The following PSD variants were observed in gnomAD, a reference collection of about 807,000 sequenced individuals.
The protein encoded by PSD is PH and SEC7 domain-containing protein 1.
PSD carries 32 observed loss-of-function variants against 91.6 expected under a neutral mutation model. The observed-to-expected ratio is 0.35, with a 90% CI of 0.26 to 0.47. The LOEUF is 0.47. Among genes scored for constraint, PSD ranks in the 20% least tolerant of loss-of-function variants. PSD has a pLI of 1.00. For synonymous variants in PSD, 532 were observed against 569.3 expected (o/e 0.93, Z 0.93); for missense variants, 1,099 against 1,373.9 (o/e 0.80, Z 3.16).
chr10:102,408,005 C>T (rs1395598746), intron 10 of PSD, among the ~76,000 whole-genome samples: 1 of 152,160 alleles, frequency 6.6e-6, no homozygotes, highest in African/African-American at 2.4e-5. Flanking sequence ...TGCAGTTGGC[C>T]TGGGGACATT....
upstream of PSD, chr10:102,419,002 A>C: frequency 9.4e-6 from 3 of 318,832 alleles, no homozygotes; most frequent in Non-Finnish European, 1.9e-5. The surrounding 1 kb of genome is among the most constrained non-coding windows in gnomAD (Gnocchi z 4.8). Flanking sequence ...TATTCCCCAG[A>C]CCCTCACGTG....
rs372562703 is a variant in PSD, at chr10:102,414,768, A to G, written c.1124+95T>C. 7.0e-5 allele frequency: 101 copies of G among 1,442,800 alleles called. 1 individual carries two copies. In the South Asian group the frequency reaches 1.4e-3, roughly 20 times the overall value. The allele number at this position is 1,442,800 out of a possible 1,614,324, so 89.4% of individuals were successfully genotyped here. ...CCCCGCCAGCCCCACACCCATCTCT[A>G]TCCCAGGCCCTTTGAGCCCGGCTCT... On this transcript the variant is annotated intron_variant, in intron 4 of 16. Coordinates refer to ENST00000020673, the MANE Select transcript of PSD (RefSeq NM_002779.5). The surrounding 1 kb of genome is among the most constrained non-coding windows in gnomAD (Gnocchi z 5.6).
chr10:102,403,239 C>A lies in PSD; in HGVS notation c.3036G>T (p.Glu1012Asp). 1 of 1,600,840 alleles carries A rather than the reference C, an allele frequency of 6.2e-7. No individual in the cohort carries two copies. Among genetic ancestry groups the A allele is most frequent in the East Asian group, 2.2e-5 (1 of 44,544 alleles). ...SQPRAQRHSSEPRPGAGSGRR... is the reference protein window; with the variant it reads ...SQPRAQRHSSDPRPGAGSGRR... ...GCCCACTGCCTGCCCCTGGCCGAGGCTCTGAGCTGTGACGCTGAGCCCGGG... is the reference window on the plus strand; with the variant it reads ...GCCCACTGCCTGCCCCTGGCCGAGGATCTGAGCTGTGACGCTGAGCCCGGG... The change falls in exon 17 of 17, where the codon GAG becomes GAT. Residue 1012 changes from glutamate (E) to aspartate (D), a missense_variant. Physicochemically the swap from Glu to Asp is conservative, Grantham distance 45. Around this residue, in one of 3 missense-constraint regions of PSD, gnomAD observed 358 missense variants for 426.5 expected, o/e 0.84. Transcript: ENST00000020673. The surrounding 1 kb of genome is among the most constrained non-coding windows in gnomAD (Gnocchi z 6.7).
rs746395868 is a variant in PSD, at chr10:102,416,652, C to G, written c.387G>C (p.Leu129=). ...TGGGCCTGGGAGGAGAAACCCCACC[C>G]AGATCCCAGCTCCGACTCAAGCCCC... ...APGGLSRSWD[L]GGVSPPRPTP... Residue 129 remains leucine (L), a synonymous_variant, in exon 2 of 17, where the codon CTG becomes CTC. Transcript: ENST00000020673. This position sits in a 1 kb window ranked among gnomAD's most constrained non-coding sequence, Gnocchi z 6.0. 13 of 1,609,294 alleles carry G rather than the reference C, an allele frequency of 8.1e-6. 1 individual carries two copies. The Admixed American group carries it at 2.2e-4, about 27-fold the overall frequency.
At position 102,404,068 on chromosome 10, in the gene PSD, G is replaced by GT; in HGVS notation, c.2701-84_2701-83insA. The GT allele has an allele frequency of 7.0e-7, 1 of 1,436,496 alleles. No individual in the cohort carries two copies. The highest frequency in any genetic ancestry group is 2.5e-5 in the Admixed American group (1 of 40,740). The allele number at this position is 1,436,496 out of a possible 1,614,324, so 89.0% of individuals were successfully genotyped here. ...GATTTTTAAAAAGATACCCCTTCCA[G>GT]CCGGGCGCGGTGGCTCACGCCTGTA... is the stretch of plus-strand genomic sequence containing the variant. On this transcript the variant is annotated intron_variant, in intron 15 of 16. Coordinates refer to ENST00000020673, the MANE Select transcript of PSD (RefSeq NM_002779.5). The surrounding 1 kb of genome is among the most constrained non-coding windows in gnomAD (Gnocchi z 5.7).
Position 102,414,839 on chromosome 10 carries a change from T to G in PSD, c.1124+24A>C. ...GAGCAAGCCGCTTCCCTCTCCCACT[T>G]CCCCCTCCCACTTCCCCACTCACCG... On this transcript the variant is annotated intron_variant, in intron 4 of 16. Coordinates refer to ENST00000020673, the MANE Select transcript of PSD (RefSeq NM_002779.5). The surrounding 1 kb of genome is among the most constrained non-coding windows in gnomAD (Gnocchi z 5.6). The G allele has an allele frequency of 6.7e-7, 1 of 1,485,996 alleles. No homozygotes were observed. Among genetic ancestry groups the G allele is most frequent in the Non-Finnish European group, 8.9e-7 (1 of 1,122,754 alleles). The allele number at this position is 1,485,996 out of a possible 1,614,324, so 92.1% of individuals were successfully genotyped here. A position where few individuals can be genotyped will look rare whatever the true frequency, so the allele number is the denominator to read the frequency against.
chr10:102,412,023 G>A, intron 7 of PSD, 124 bp downstream of exon 7: 2 of 1,181,090 alleles, frequency 1.7e-6, no homozygotes, highest in Non-Finnish European at 2.5e-6. Flanking sequence ...GCCATGCCCA[G>A]CCATCTTGGG....
At chr10:102,413,736 C>A in intron 5 of PSD, 33 bp downstream of exon 5, 1 of 1,574,200 alleles carries the variant, frequency 6.4e-7, no homozygotes, top group Non-Finnish European at 8.6e-7. Context: ...GCCCTGGGGG[C>A]CTCAAGTCTG....
chr10:102,411,337 C>A (rs55970842), intron 8 of PSD, among the ~76,000 whole-genome samples: 24,582 of 151,046 alleles, frequency 0.16, 2,313 homozygotes, highest in East Asian at 0.27. Context: ...GTTGCCCCAA[C>A]GTACTAGTTG....
rs2061339555 is a variant in PSD at position 102,404,663 on chromosome 10, G to A, written c.2620C>T (p.Pro874Ser). 3.1e-6 allele frequency: 5 copies of A among 1,611,330 alleles called. No individual in the cohort carries two copies. Among genetic ancestry groups the A allele is most frequent in the Admixed American group, 1.7e-5 (1 of 59,676 alleles). ...GAGCTAACAGCAGCTGGGAAGGGGGGCGCAGAGAACATAGCGGCTACTACA... is the reference window on the plus strand; with the variant it reads ...GAGCTAACAGCAGCTGGGAAGGGGGACGCAGAGAACATAGCGGCTACTACA... ...INVVAAMFSAPPFPAAVSSQK... is the reference protein window; with the variant it reads ...INVVAAMFSASPFPAAVSSQK... Residue 874 changes from proline (P) to serine (S), a missense_variant, in exon 15 of 17, where the codon CCC becomes TCC. Around this residue, in one of 3 missense-constraint regions of PSD, gnomAD observed 358 missense variants for 426.5 expected, o/e 0.84. Transcript: ENST00000020673. This position sits in a 1 kb window ranked among gnomAD's most constrained non-coding sequence, Gnocchi z 5.7.
intron 1 of PSD, among the ~76,000 whole-genome samples, chr10:102,417,984 C>T (rs549940897): frequency 1.3e-5 from 2 of 152,166 alleles, no homozygotes; most frequent in East Asian, 3.9e-4. Flanking sequence ...GTTGGGATTA[C>T]AGGCGTGAGC....
At chr10:102,408,895 C>G in intron 10 of PSD, 1 of 987,406 alleles carries the variant, frequency 1.0e-6, no homozygotes, top group Non-Finnish European at 1.2e-6. Flanking sequence ...ACGCCCTCAC[C>G]GCCTTTTTCT....
intron 10 of PSD, among the ~76,000 whole-genome samples, chr10:102,407,845 C>T (rs758618382): frequency 1.3e-5 from 2 of 152,092 alleles, no homozygotes; most frequent in African/African-American, 4.8e-5. Context: ...GACAGCCCCA[C>T]CAAGCCAAAT....
intron 5 of PSD, 70 bp from the exon 6 acceptor site, chr10:102,412,645 T>C: frequency 7.3e-7 from 1 of 1,370,652 alleles, no homozygotes; most frequent in Non-Finnish European, 9.9e-7. Flanking sequence ...TCCTTCTGCC[T>C]CCAGGCCCAG....
intron 5 of PSD, 39 bp downstream of exon 5, chr10:102,413,729 CT>C: frequency 6.4e-7 from 1 of 1,564,302 alleles, no homozygotes; most frequent in African/African-American, 1.4e-5. Context: ...TTCTGGAGCC[CT>C]GGGGGCCTCA....
rs2061416076 is a variant in PSD, at chr10:102,410,668, C to T, written c.2091+190G>A. Among the ~76,000 whole-genome samples, 2 of 152,190 alleles carry T rather than the reference C, an allele frequency of 1.3e-5. No individual in the cohort carries two copies. The highest frequency in any genetic ancestry group is 6.5e-5 in the Admixed American group (1 of 15,278). On this transcript the variant is annotated intron_variant, in intron 10 of 16. Transcript: ENST00000020673. This position sits in a 1 kb window ranked among gnomAD's most constrained non-coding sequence, Gnocchi z 6.0. ...CGACCGCACGCATGTGCGCATGTTC[C>T]GGGAGAGCCTGCGCGTGGGGCCTGG...
In PSD at chr10:102,403,122, C is replaced by T; in HGVS notation, c.*78G>A. 8.0e-7 allele frequency: 1 copy of T among 1,250,094 alleles called. No individual in the cohort carries two copies. The highest frequency in any genetic ancestry group is 1.1e-6 in the Non-Finnish European group (1 of 942,870). 77.4% of individuals were successfully genotyped at this position (1,250,094 alleles called of 1,614,324 possible). On this transcript the variant is annotated 3_prime_UTR_variant, in exon 17 of 17. Coordinates refer to ENST00000020673, the MANE Select transcript of PSD (RefSeq NM_002779.5). This position sits in a 1 kb window ranked among gnomAD's most constrained non-coding sequence, Gnocchi z 6.7. ...AGGCCGGGAGGCCCTCGTGGGTGGC[C>T]CGAGGCCGGCCCGGGCTCAGGCAGG...
At position 102,409,177 on chromosome 10, in the gene PSD, C is replaced by T. The variant is rs1279614145; in HGVS notation, c.2091+1681G>A. On this transcript the variant is annotated intron_variant, in intron 10 of 16. Coordinates refer to ENST00000020673, the MANE Select transcript of PSD (RefSeq NM_002779.5). The surrounding 1 kb of genome is among the most constrained non-coding windows in gnomAD (Gnocchi z 5.7). ...GGCCGCCCGGACGGCCCGCGGACCG[C>T]TCCCCCGACAGCCAGCGCGAGCGGC... 13 of 981,058 alleles carry T rather than the reference C, an allele frequency of 1.3e-5. No individual in the cohort carries two copies. The highest frequency in any genetic ancestry group is 1.6e-5 in the Non-Finnish European group (13 of 828,366). 60.8% of individuals were successfully genotyped at this position (981,058 alleles called of 1,614,324 possible). A position where few individuals can be genotyped will look rare whatever the true frequency, so the allele number is the denominator to read the frequency against.
Position 102,409,951 on chromosome 10 carries a change from A to C in PSD, c.2091+907T>G, listed in dbSNP as rs1302814670. On this transcript the variant is annotated intron_variant, in intron 10 of 16. Transcript: ENST00000020673. The surrounding 1 kb of genome is among the most constrained non-coding windows in gnomAD (Gnocchi z 5.7). ...CCCTAAAGCACAAACACACCAAGCC[A>C]TACAAACCCTTGATTCACGACGCCC... Among the ~76,000 whole-genome samples, 1 of 152,148 alleles carries C rather than the reference A, an allele frequency of 6.6e-6. No homozygotes were observed. Among genetic ancestry groups the C allele is most frequent in the African/African-American group, 2.4e-5 (1 of 41,408 alleles).
Sources: gnomAD v4.1 joint callset for allele counts (sites outside exome capture counted in the v4.1 genomes callset) on GRCh38, gnomAD v4.1.1 for gene constraint, gnomAD v4.1.1 regional missense constraint, Gnocchi (gnomAD v3.1) non-coding constraint, MANE v1.5 for transcripts, NCBI Gene and HGNC (gene_info 2026-07-23, HGNC 2026-07-21) for gene names.